NPAS3: variants seen among roughly 807,000 people sequenced by gnomAD.
The protein encoded by NPAS3 is neuronal PAS domain-containing protein 3.
NPAS3 carries 14 observed loss-of-function variants against 73.1 expected under a neutral mutation model. The ratio of observed to expected loss-of-function variants is 0.19; its 90% CI spans 0.13 to 0.30. The LOEUF is 0.30. NPAS3 is among the 10% of genes least tolerant of loss of function. NPAS3 has a pLI of 1.00. For synonymous variants in NPAS3, 620 were observed against 541.5 expected, an observed-to-expected ratio of 1.14 and a Z score of -2.01; for missense variants, 1,096 against 1,250.0, an observed-to-expected ratio of 0.88 and a Z score of 1.86.
At chr14:33,169,366 G>A (rs931478691) in intron 2 of NPAS3, among the ~76,000 whole-genome samples, 16 of 152,172 alleles carry the variant, frequency 1.1e-4, no homozygotes, top group African/African-American at 3.9e-4. Context: ...TCAGGAGTTG[G>A]AGACCAGCCT....
chr14:33,569,213 T>C (rs1370581008), intron 5 of NPAS3, among the ~76,000 whole-genome samples: 1 of 152,208 alleles, frequency 6.6e-6, no homozygotes. Flanking sequence ...ACAAAAACTT[T>C]CTCTGATGCT....
Position 33,741,263 on chromosome 14 carries a change from G to A in NPAS3, c.852+5931G>A, listed in dbSNP as rs557217897. Among the ~76,000 whole-genome samples, 8 of 152,202 alleles carry A rather than the reference G, an allele frequency of 5.3e-5. No individual in the cohort carries two copies. In the South Asian group the frequency reaches 1.0e-3, roughly 20 times the overall value. ...TGTGTTGTCGTGAAATGATGACTAC[G>A]GCATTCCAAGTTGTGCAAAATGTAA... On this transcript the variant is annotated intron_variant, in intron 7 of 11. Coordinates refer to ENST00000356141, the Ensembl canonical transcript of NPAS3.
rs73270602 is a variant in NPAS3, at chr14:33,168,379, G to A, written c.141-46803G>A. On this transcript the variant is annotated intron_variant, in intron 2 of 11. Transcript: ENST00000356141. ...CAGAGAAGGTCACAAGGAAAACAAA[G>A]ACACCAGACATCTGACCCCATCAGA... 6.6e-4 allele frequency among the ~76,000 whole-genome samples: 101 copies of A among 152,242 alleles called. 1 individual carries two copies. The highest frequency in any genetic ancestry group is 2.4e-3 in the African/African-American group (100 of 41,532).
At chr14:33,007,973 T>G (rs2139620333) in intron 1 of NPAS3, among the ~76,000 whole-genome samples, 1 of 152,216 alleles carries the variant, frequency 6.6e-6, no homozygotes, top group East Asian at 1.9e-4. Context: ...CAATATTAAC[T>G]TAGAGGAAAG....
chr14:33,110,632 A>C (rs2042860996), intron 2 of NPAS3, among the ~76,000 whole-genome samples: 1 of 152,182 alleles, frequency 6.6e-6, no homozygotes, highest in Non-Finnish European at 1.5e-5. Context: ...ACTTTGCATC[A>C]TTAAAAAATA....
chr14:33,737,953 C>CTA (rs2061564259), intron 7 of NPAS3, among the ~76,000 whole-genome samples: 6 of 152,194 alleles, frequency 3.9e-5, no homozygotes, highest in Admixed American at 3.9e-4. Context: ...GTGCAGGCCA[C>CTA]TATATTTCTG....
chr14:33,617,300 A>G (rs2057948968), intron 5 of NPAS3, among the ~76,000 whole-genome samples: 1 of 152,202 alleles, frequency 6.6e-6, no homozygotes, highest in African/African-American at 2.4e-5. Context: ...CTCATAGCAA[A>G]GTACTTTTTT....
chr14:33,308,553 C>CATACAT (rs1555371876), intron 3 of NPAS3, among the ~76,000 whole-genome samples: 4 of 113,908 alleles, frequency 3.5e-5, no homozygotes, highest in African/African-American at 1.2e-4. Context: ...CACACACACA[C>CATACAT]ACATACATAC....
rs1476177699 is a variant in NPAS3, at chr14:33,544,807, T to TA, written c.469-15313dup. ...TGTGTATTATATATATATATATATA[T>TA]ATATGTATATATAATATATATGTGT... On this transcript the variant is annotated intron_variant, in intron 4 of 11. Coordinates refer to ENST00000356141, the Ensembl canonical transcript of NPAS3. 3.5e-5 allele frequency among the ~76,000 whole-genome samples: 3 copies of TA among 84,810 alleles called. 1 individual carries two copies. Among genetic ancestry groups the TA allele is most frequent in the African/African-American group, 1.4e-4 (2 of 14,188 alleles). The allele number at this position is 84,810 out of a possible 152,430, so 55.6% of individuals were successfully genotyped here.
At chr14:33,553,636 A>T (rs539025673) in intron 4 of NPAS3, among the ~76,000 whole-genome samples, 28 of 152,320 alleles carry the variant, frequency 1.8e-4, no homozygotes, top group African/African-American at 6.7e-4. Context: ...ATTGAAAGGC[A>T]AAGGAAGGAA....
intron 1 of NPAS3, among the ~76,000 whole-genome samples, chr14:33,006,166 T>C (rs1468952890): frequency 6.6e-6 from 1 of 152,154 alleles, no homozygotes; most frequent in East Asian, 1.9e-4. Flanking sequence ...CTTCAGAACA[T>C]TCCTAATCAG....
chr14:33,319,886 TC>T (rs1460643334), intron 3 of NPAS3, among the ~76,000 whole-genome samples: 10 of 152,200 alleles, frequency 6.6e-5, no homozygotes, highest in Admixed American at 2.0e-4. Context: ...TTATTTTTCA[TC>T]CTTGTGTTAC....
intron 7 of NPAS3, among the ~76,000 whole-genome samples, chr14:33,742,016 C>G (rs1425675699): frequency 6.6e-6 from 1 of 152,134 alleles, no homozygotes; most frequent in Non-Finnish European, 1.5e-5. Flanking sequence ...TTTTAACCAA[C>G]TATTGCTCCT....
At chr14:33,205,356 C>A (rs1488728164) in intron 2 of NPAS3, among the ~76,000 whole-genome samples, 1 of 152,000 alleles carries the variant, frequency 6.6e-6, no homozygotes, top group East Asian at 1.9e-4. Flanking sequence ...AGTAAATATC[C>A]TTTTTGGCAA....
intron 7 of NPAS3, among the ~76,000 whole-genome samples, chr14:33,769,650 A>C (rs1015315051): frequency 1.3e-5 from 2 of 151,992 alleles, no homozygotes; most frequent in African/African-American, 4.8e-5. Flanking sequence ...TAATTAATCA[A>C]ACAGTATTTG....
chr14:33,235,517 G>A (rs1329378951), intron 3 of NPAS3, among the ~76,000 whole-genome samples: 2 of 151,882 alleles, frequency 1.3e-5, no homozygotes, highest in African/African-American at 4.8e-5. Context: ...TTCTCTGATG[G>A]CATATATTTG....
At chr14:33,251,542 C>T (rs750410281) in intron 3 of NPAS3, among the ~76,000 whole-genome samples, 5 of 151,966 alleles carry the variant, frequency 3.3e-5, no homozygotes, top group South Asian at 2.1e-4. Context: ...TTTTATGTGT[C>T]GTTCATCTGC....
chr14:33,041,819 G>A (rs1030428999), intron 1 of NPAS3, among the ~76,000 whole-genome samples: 5 of 152,110 alleles, frequency 3.3e-5, no homozygotes, highest in Middle Eastern at 6.3e-3. Flanking sequence ...TTAGGGATGG[G>A]TAAGGAAGAG....
At chr14:33,267,643 C>T (rs1189146415) in intron 3 of NPAS3, among the ~76,000 whole-genome samples, 1 of 152,100 alleles carries the variant, frequency 6.6e-6, no homozygotes, top group Admixed American at 6.6e-5. Flanking sequence ...TGGAGCTTGT[C>T]TCACTAAATA....
Sources: allele counts gnomAD v4.1 joint callset (sites outside exome capture counted in the v4.1 genomes callset), GRCh38; gene constraint gnomAD v4.1.1; transcripts MANE v1.5; gene names NCBI Gene and HGNC (gene_info 2026-07-23, HGNC 2026-07-21).